LAMA2: variants seen among roughly 807,000 people sequenced by gnomAD.
LAMA2 encodes the protein laminin subunit alpha 2, also known as laminin subunit alpha-2.
Under a neutral mutation model 364.8 loss-of-function variants are expected in LAMA2, and 269 were observed. The observed-to-expected ratio is 0.74, with a 90% CI of 0.67 to 0.82. The LOEUF is 0.82. LAMA2 is among the 40% of genes least tolerant of loss of function. The probability of loss-of-function intolerance (pLI) is 0.00; values close to 1 mark genes in which losing one functional copy is unlikely to be tolerated. For synonymous variants in LAMA2, 1,379 were observed against 1,370.6 expected, an observed-to-expected ratio of 1.01 and a Z score of -0.14; for missense variants, 3,807 against 3,873.2, an observed-to-expected ratio of 0.98 and a Z score of 0.45.
intron 1 of LAMA2, among the ~76,000 whole-genome samples, chr6:128,891,484 A>C (rs747965050): frequency 6.6e-6 from 1 of 152,104 alleles, no homozygotes; most frequent in African/African-American, 2.4e-5. Flanking sequence ...AATATGAAGC[A>C]GTGCAATTGT....
chr6:129,352,938 A>C (rs1449067383), intron 31 of LAMA2, among the ~76,000 whole-genome samples: 2 of 152,130 alleles, frequency 1.3e-5, no homozygotes, highest in Non-Finnish European at 2.9e-5. Context: ...TTCCATCAAC[A>C]ACAGCAGAAT....
At chr6:129,131,291 T>A (rs1001035947) in intron 4 of LAMA2, among the ~76,000 whole-genome samples, 2 of 152,236 alleles carry the variant, frequency 1.3e-5, no homozygotes, top group Non-Finnish European at 2.9e-5. Flanking sequence ...CTTACAATAA[T>A]GATCAGTGAC....
intron 18 of LAMA2, among the ~76,000 whole-genome samples, chr6:129,283,373 G>A (rs1011303643): frequency 1.3e-5 from 2 of 152,008 alleles, no homozygotes; most frequent in African/African-American, 4.8e-5. Context: ...GTTACTTTCA[G>A]AATAAGTTTG....
rs1001416745 is a variant in LAMA2, at chr6:129,105,335, C to T, written c.639+6920C>T. 4.6e-5 allele frequency among the ~76,000 whole-genome samples: 7 copies of T among 152,212 alleles called. No homozygotes were observed. The East Asian group carries it at 1.4e-3, about 29-fold the overall frequency. ...GTGCTGCCTCTGCAGAAAGCAGTAGCCCAGATGCTATTGAGAACTGCTTAC... is the reference window on the plus strand; with the variant it reads ...GTGCTGCCTCTGCAGAAAGCAGTAGTCCAGATGCTATTGAGAACTGCTTAC... On this transcript the variant is annotated intron_variant, in intron 4 of 64. Coordinates refer to ENST00000421865, the MANE Select transcript of LAMA2 (RefSeq NM_000426.4).
chr6:129,427,792 G>C lies in LAMA2; in HGVS notation c.5906G>C (p.Gly1969Ala). Residue 1969 changes from glycine to alanine, a missense_variant, in exon 41 of 65, where the codon GGC becomes GCC. By Grantham distance (60) the Gly-to-Ala change is moderately conservative (BLOSUM62 0). This residue lies in a region of LAMA2 where 3,333 missense variants were observed against 3,345.7 expected (regional missense o/e 1.00). Coordinates refer to ENST00000421865, the MANE Select transcript of LAMA2 (RefSeq NM_000426.4). ...PRGLLKEDAK[G>A]CLQKSFRILN... The stretch of plus-strand genomic sequence containing the variant: ...GGTTTATTAAAGGAAGATGCCAAAG[G>C]CTGTCTTCAGAAAAGCTTCAGGATT... The C allele has an allele frequency of 6.2e-7, 1 of 1,613,778 alleles. No homozygotes were observed. The highest frequency in any genetic ancestry group is 8.5e-7 in the Non-Finnish European group (1 of 1,179,828).
chr6:129,445,826 G>A lies in LAMA2; in HGVS notation c.6429+5G>A. The A allele has an allele frequency of 5.0e-6, 8 of 1,611,308 alleles. No individual in the cohort carries two copies. Among genetic ancestry groups the A allele is most frequent in the East Asian group, 2.2e-5 (1 of 44,804 alleles). ...GCTCGGAAACAAGCCAATTCTGTAAGTTCTTTTTATCGTCAGTATCAGTAA... is the reference window on the plus strand; with the variant it reads ...GCTCGGAAACAAGCCAATTCTGTAAATTCTTTTTATCGTCAGTATCAGTAA... On this transcript the variant is annotated splice_donor_5th_base_variant and intron_variant, in intron 45 of 64. Coordinates refer to ENST00000421865, the MANE Select transcript of LAMA2 (RefSeq NM_000426.4).
intron 1 of LAMA2, among the ~76,000 whole-genome samples, chr6:128,885,652 C>T (rs533486650): frequency 2.9e-4 from 44 of 152,250 alleles, no homozygotes; most frequent in Middle Eastern, 3.4e-3. Context: ...TCTAGGCAAG[C>T]GCTAATTGTG....
intron 1 of LAMA2, among the ~76,000 whole-genome samples, chr6:129,039,288 G>C (rs1039853735): frequency 1.3e-5 from 2 of 152,128 alleles, no homozygotes; most frequent in African/African-American, 4.8e-5. Flanking sequence ...CAAAAAGGGA[G>C]AACATTCTTT....
chr6:129,089,824 A>T (rs138435567), intron 3 of LAMA2, among the ~76,000 whole-genome samples: 1 of 152,160 alleles, frequency 6.6e-6, no homozygotes, highest in Non-Finnish European at 1.5e-5. Flanking sequence ...ATTCATTCCA[A>T]TTTGGACTCT....
At chr6:129,366,172 G>A in intron 32 of LAMA2, 47 bp from the exon 33 acceptor site, 1 of 1,596,254 alleles carries the variant, frequency 6.3e-7, no homozygotes, top group Non-Finnish European at 8.6e-7. Context: ...ACATCTGCCT[G>A]GGATGTTTAG....
chr6:129,065,866 A>G (rs997778964), intron 3 of LAMA2, among the ~76,000 whole-genome samples: 2 of 151,784 alleles, frequency 1.3e-5, no homozygotes, highest in Admixed American at 1.3e-4. Context: ...GAGATCTGGT[A>G]GTTTTATCAG....
chr6:129,031,621 A>T (rs918715192), intron 1 of LAMA2, among the ~76,000 whole-genome samples: 1 of 152,204 alleles, frequency 6.6e-6, no homozygotes, highest in African/African-American at 2.4e-5. Context: ...TTTTAAGGAA[A>T]TAATGGTTTT....
Position 129,143,904 on chromosome 6 carries a change from C to CACATCTCTTTA in LAMA2, c.645_655dup (p.Ile219ThrfsTer4), listed in dbSNP as rs1778269385. 6.3e-7 allele frequency: 1 copy of CACATCTCTTTA among 1,587,860 alleles called. No homozygotes were observed. Among genetic ancestry groups the CACATCTCTTTA allele is most frequent in the African/African-American group, 1.4e-5 (1 of 73,228 alleles). Reference sequence around the variant, plus strand: ...AATTATTTTTCATATTGTGTAGATTCACATCTCTTTAATCAATGGGAGACC... The same window carrying CACATCTCTTTA: ...AATTATTTTTCATATTGTGTAGATTCACATCTCTTTAACATCTCTTTAATCAATGGGAGACC... On this transcript the variant is annotated frameshift_variant, in exon 5 of 65. Coordinates refer to ENST00000421865, the MANE Select transcript of LAMA2 (RefSeq NM_000426.4). LOFTEE classifies it high-confidence loss of function.
intron 40 of LAMA2, among the ~76,000 whole-genome samples, chr6:129,413,400 G>A (rs1780633330): frequency 6.6e-6 from 1 of 152,018 alleles, no homozygotes; most frequent in Admixed American, 6.5e-5. Flanking sequence ...AAGAGACACA[G>A]ATTTTAAAAG....
intron 40 of LAMA2, among the ~76,000 whole-genome samples, chr6:129,408,552 T>C (rs577735915): frequency 6.6e-6 from 1 of 152,264 alleles, no homozygotes; most frequent in East Asian, 1.9e-4. Context: ...GGCAAATCCA[T>C]ATCCAGAATA....
At chr6:129,467,184 G>C (rs1783585161) in intron 51 of LAMA2, among the ~76,000 whole-genome samples, 1 of 151,854 alleles carries the variant, frequency 6.6e-6, no homozygotes, top group Non-Finnish European at 1.5e-5. Context: ...AAAAAAAGAA[G>C]GAAATCATGT....
intron 12 of LAMA2, among the ~76,000 whole-genome samples, chr6:129,228,842 C>T (rs1396243872): frequency 6.6e-6 from 1 of 152,164 alleles, no homozygotes; most frequent in Non-Finnish European, 1.5e-5. Context: ...CTGCTCTCAG[C>T]TAATCCATTA....
At chr6:129,150,544 T>C (rs1292853366) in intron 7 of LAMA2, among the ~76,000 whole-genome samples, 1 of 152,136 alleles carries the variant, frequency 6.6e-6, no homozygotes, top group Non-Finnish European at 1.5e-5. Flanking sequence ...TACGTTTAAA[T>C]ACAAAACAAA....
At chr6:129,501,114 C>T (rs1347922574) in intron 58 of LAMA2, among the ~76,000 whole-genome samples, 1 of 152,116 alleles carries the variant, frequency 6.6e-6, no homozygotes, top group Non-Finnish European at 1.5e-5. Context: ...GTGTGTTTAT[C>T]GAGACGGTCC....
Sources: allele counts gnomAD v4.1 joint callset (sites outside exome capture counted in the v4.1 genomes callset), GRCh38; gene constraint gnomAD v4.1.1; regional missense constraint gnomAD v4.1.1; transcripts MANE v1.5; gene names NCBI Gene and HGNC (gene_info 2026-07-23, HGNC 2026-07-21).